ERBB4: variants seen among roughly 807,000 people sequenced by gnomAD.
ERBB4 encodes the protein erb-b2 receptor tyrosine kinase 4.
In ERBB4, 42 loss-of-function variants were observed where a neutral mutation model predicts 158.0. The observed-to-expected ratio is 0.27, with a 90% CI of 0.21 to 0.34. The LOEUF (loss-of-function observed/expected upper bound fraction) is 0.34. ERBB4 is among the 10% of genes least tolerant of loss of function. The pLI is 1.00. For missense variants in ERBB4, 1,333 were observed against 1,624.1 expected (o/e 0.82, Z 3.08); for synonymous variants, 583 against 558.7 (o/e 1.04, Z -0.61).
chr2:211,612,357 C>G (rs1368977809), intron 19 of ERBB4, among the ~76,000 whole-genome samples: 1 of 151,926 alleles, frequency 6.6e-6, no homozygotes, highest in Non-Finnish European at 1.5e-5. Context: ...CATCAAGGAT[C>G]TTGTAGTCTA....
Position 212,336,200 on chromosome 2 carries a change from G to T in ERBB4, c.82+202249C>A, listed in dbSNP as rs368757705. 1.1e-4 allele frequency among the ~76,000 whole-genome samples: 16 copies of T among 152,042 alleles called. 1 individual carries two copies. In the East Asian group the frequency reaches 2.3e-3, roughly 22 times the overall value. ...TTGTGTTTTTGGCTTATCTGTGACA[G>T]CTTTTCAATCAGCTTCCTTTAATTG... On this transcript the variant is annotated intron_variant, in intron 1 of 27. Transcript: ENST00000342788.
intron 2 of ERBB4, among the ~76,000 whole-genome samples, chr2:212,059,354 T>A (rs1279402762): frequency 6.6e-6 from 1 of 152,132 alleles, no homozygotes; most frequent in Non-Finnish European, 1.5e-5. Context: ...ATTATGAAAA[T>A]GGCCATATTG....
intron 1 of ERBB4, among the ~76,000 whole-genome samples, chr2:212,320,673 TA>T (rs199715500): frequency 1.0e-4 from 15 of 148,264 alleles, no homozygotes; most frequent in African/African-American, 2.9e-4. Flanking sequence ...AAGCCAGGGC[TA>T]AAAAAAAACA....
intron 1 of ERBB4, among the ~76,000 whole-genome samples, chr2:212,401,607 T>C (rs1054599308): frequency 1.3e-5 from 2 of 152,192 alleles, no homozygotes; most frequent in Non-Finnish European, 2.9e-5. Context: ...GCTTAGCTTA[T>C]GAAGTATTTA....
In ERBB4 at chr2:212,161,868, C is replaced by T. The variant is rs535874411; in HGVS notation, c.83-36965G>A. Among the ~76,000 whole-genome samples the T allele has an allele frequency of 2.0e-5, 3 of 151,880 alleles. No homozygotes were observed. In the East Asian group the frequency reaches 5.8e-4, roughly 29 times the overall value. ...GAATTGGGACTAATTTTTATCATAA[C>T]ATATATGATCTAAAAATTCCTTATT... On this transcript the variant is annotated intron_variant, in intron 1 of 27. Coordinates refer to ENST00000342788, the MANE Select transcript of ERBB4 (RefSeq NM_005235.3).
At chr2:211,910,784 A>T (rs2079523424) in intron 3 of ERBB4, among the ~76,000 whole-genome samples, 1 of 152,190 alleles carries the variant, frequency 6.6e-6, no homozygotes, top group Non-Finnish European at 1.5e-5. Context: ...ATTTCCTATT[A>T]TTCAGACGTT....
chr2:212,007,972 T>G (rs2125298828), intron 2 of ERBB4, among the ~76,000 whole-genome samples: 1 of 152,128 alleles, frequency 6.6e-6, no homozygotes, highest in East Asian at 1.9e-4. Flanking sequence ...TTACATATAT[T>G]GGATAGTCAG....
intron 20 of ERBB4, among the ~76,000 whole-genome samples, chr2:211,445,960 G>C (rs2064102285): frequency 6.6e-6 from 1 of 152,150 alleles, no homozygotes; most frequent in African/African-American, 2.4e-5. Flanking sequence ...TAAGGAGGCA[G>C]GTTTGTAAAG....
chr2:211,952,489 A>G (rs987737581), intron 2 of ERBB4, among the ~76,000 whole-genome samples: 2 of 152,128 alleles, frequency 1.3e-5, no homozygotes, highest in Non-Finnish European at 2.9e-5. Flanking sequence ...CCTTTCAGCC[A>G]TCAGAAAGAA....
At chr2:212,525,694 C>G (rs1692411454) in intron 1 of ERBB4, among the ~76,000 whole-genome samples, 1 of 151,968 alleles carries the variant, frequency 6.6e-6, no homozygotes, top group Admixed American at 6.6e-5. Context: ...AGAAATTTCA[C>G]TAAAGTTTAC....
intron 1 of ERBB4, among the ~76,000 whole-genome samples, chr2:212,413,134 A>ATTTT (rs370397826): frequency 7.9e-5 from 8 of 101,256 alleles, no homozygotes; most frequent in Non-Finnish European, 1.3e-4. Flanking sequence ...TGCGTGGCTA[A>ATTTT]TTTTTTTTTT....
chr2:212,275,804 C>T (rs1054201234), intron 1 of ERBB4, among the ~76,000 whole-genome samples: 2 of 151,810 alleles, frequency 1.3e-5, no homozygotes, highest in African/African-American at 4.8e-5. Flanking sequence ...ATCATAATGA[C>T]AGAATCAAAT....
chr2:211,665,491 A>G lies in ERBB4; in HGVS notation c.1717-14T>C. 1 of 1,613,616 alleles carries G rather than the reference A, an allele frequency of 6.2e-7. No homozygotes were observed. Among genetic ancestry groups the G allele is most frequent in the Non-Finnish European group, 8.5e-7 (1 of 1,179,718 alleles). ...GTTGTCAGGACCCTGAAATGTGAAA[A>G]CGAAAAAAAAAGAAAAAAGAAAAGT... On this transcript the variant is annotated splice_polypyrimidine_tract_variant and intron_variant, in intron 14 of 27. Coordinates refer to ENST00000342788, the MANE Select transcript of ERBB4 (RefSeq NM_005235.3).
chr2:212,345,808 T>C (rs2088970240), intron 1 of ERBB4, among the ~76,000 whole-genome samples: 1 of 152,156 alleles, frequency 6.6e-6, no homozygotes, highest in Non-Finnish European at 1.5e-5. Flanking sequence ...AATTACTTTC[T>C]CAGCTAGAAT....
At position 211,379,264 on chromosome 2, in the gene ERBB4, T is replaced by A. The variant is rs1222024028; in HGVS notation, c.*4351A>T. 1.3e-5 allele frequency: 3 copies of A among 229,378 alleles called. No individual in the cohort carries two copies. The highest frequency in any genetic ancestry group is 6.7e-5 in the African/African-American group (3 of 45,090). The allele number at this position is 229,378 out of a possible 1,614,324, so 14.2% of individuals were successfully genotyped here. A position where few individuals can be genotyped will look rare whatever the true frequency, so the allele number is the denominator to read the frequency against. Reference sequence around the variant, plus strand: ...GTCTCTGCATAAGGTAATAGAACATTTACATTTTCTTTACTTCATCTTGAA... The same window carrying A: ...GTCTCTGCATAAGGTAATAGAACATATACATTTTCTTTACTTCATCTTGAA... On this transcript the variant is annotated 3_prime_UTR_variant, in exon 28 of 28. Transcript: ENST00000342788.
At chr2:212,451,278 C>T (rs1012848150) in intron 1 of ERBB4, among the ~76,000 whole-genome samples, 13 of 152,140 alleles carry the variant, frequency 8.5e-5, no homozygotes, top group Non-Finnish European at 1.2e-4. Context: ...CATATTTGCA[C>T]TGTGTATACA....
At chr2:211,638,048 T>G (rs62185365) in intron 16 of ERBB4, among the ~76,000 whole-genome samples, 182 of 152,264 alleles carry the variant, frequency 1.2e-3, no homozygotes, top group Non-Finnish European at 2.2e-3. Flanking sequence ...CTATATTCAT[T>G]GTGATTTACT....
intron 1 of ERBB4, among the ~76,000 whole-genome samples, chr2:212,413,056 C>T (rs1022815741): frequency 7.2e-5 from 11 of 151,880 alleles, no homozygotes; most frequent in African/African-American, 2.7e-4. Flanking sequence ...CAACCTCTGC[C>T]TCCTAGGATC....
chr2:211,655,773 TCTCC>T (rs1224034238), intron 16 of ERBB4, among the ~76,000 whole-genome samples: 3 of 152,188 alleles, frequency 2.0e-5, no homozygotes, highest in Admixed American at 6.6e-5. Context: ...TTCGGCACTC[TCTCC>T]CTCTCTCTAA....
Sources: allele counts gnomAD v4.1 joint callset (sites outside exome capture counted in the v4.1 genomes callset), GRCh38; gene constraint gnomAD v4.1.1; transcripts MANE v1.5; gene names NCBI Gene and HGNC (gene_info 2026-07-23, HGNC 2026-07-21).